The following AFF1 variants were observed in gnomAD, a reference collection of about 807,000 sequenced individuals.
AFF1 encodes AF4/FMR2 family member 1.
In AFF1, 48 loss-of-function variants were observed where a neutral mutation model predicts 121.7. The observed-to-expected ratio is 0.39, with a 90% confidence interval of 0.31 to 0.50. The LOEUF (loss-of-function observed/expected upper bound fraction) is 0.50. AFF1 is among the 20% of genes least tolerant of loss of function. AFF1 has a pLI of 0.76. For synonymous variants in AFF1, 613 were observed against 563.0 expected (o/e 1.09, Z -1.26); for missense variants, 1,523 against 1,511.7 (o/e 1.01, Z -0.12).
chr4:87,019,890 G>GT (rs67832418), intron 2 of AFF1, among the ~76,000 whole-genome samples: 1 of 117,544 alleles, frequency 8.5e-6, no homozygotes, highest in African/African-American at 2.8e-5. Context: ...GGGTCGGGGG[G>GT]GGGCAGTCTT....
At chr4:86,989,997 A>AG (rs1298338781) in intron 2 of AFF1, among the ~76,000 whole-genome samples, 1 of 152,054 alleles carries the variant, frequency 6.6e-6, no homozygotes, top group Non-Finnish European at 1.5e-5. Flanking sequence ...GGACACAGGG[A>AG]GGGGAACATC....
At chr4:87,043,102 T>A (rs932805543) in intron 2 of AFF1, among the ~76,000 whole-genome samples, 1 of 152,150 alleles carries the variant, frequency 6.6e-6, no homozygotes, top group African/African-American at 2.4e-5. Flanking sequence ...CCATTTGGAG[T>A]TCCCTTCTCT....
At chr4:87,134,341 G>A in intron 19 of AFF1, 130 bp from the exon 20 acceptor site, 1 of 842,034 alleles carries the variant, frequency 1.2e-6, no homozygotes, top group Non-Finnish European at 1.8e-6. Flanking sequence ...GACTTTAGCA[G>A]TGGTTATCAT....
At chr4:87,045,406 T>C (rs1362155988) in intron 2 of AFF1, among the ~76,000 whole-genome samples, 3 of 152,078 alleles carry the variant, frequency 2.0e-5, no homozygotes, top group Non-Finnish European at 2.9e-5. Flanking sequence ...TGGTTAAAAC[T>C]GCACTACTTT....
At position 87,114,659 on chromosome 4, in the gene AFF1, C is replaced by T; in HGVS notation, c.1826C>T (p.Thr609Ile). 1.2e-6 allele frequency: 2 copies of T among 1,608,454 alleles called. No individual in the cohort carries two copies. The highest frequency in any genetic ancestry group is 1.7e-5 in the Admixed American group (1 of 58,854). ...QEPPQRQTVG[T>I]KQPKKPVKAS... The stretch of plus-strand genomic sequence containing the variant: ...CCCCCACAAAGGCAAACCGTTGGAA[C>T]CAAACAACCCAAAAAACCTGTCAAG... Residue 609 changes from threonine (T) to isoleucine (I), a missense_variant, in exon 12 of 21, where the codon ACC becomes ATC. Transcript: ENST00000395146.
At chr4:86,997,689 G>T (rs1192613623) in intron 2 of AFF1, among the ~76,000 whole-genome samples, 1 of 151,640 alleles carries the variant, frequency 6.6e-6, no homozygotes, top group East Asian at 1.9e-4. Context: ...GTGAACCTTG[G>T]GGGCAGAGCT....
At chr4:86,960,226 G>A (rs61586576) in intron 2 of AFF1, among the ~76,000 whole-genome samples, 31,687 of 152,078 alleles carry the variant, frequency 0.21, 3,346 homozygotes, top group Middle Eastern at 0.25. Flanking sequence ...GGGAGCTGCC[G>A]CTGTTACCCA....
At chr4:87,119,069 A>G (rs1486831719) in intron 12 of AFF1, among the ~76,000 whole-genome samples, 4 of 152,042 alleles carry the variant, frequency 2.6e-5, no homozygotes, top group Non-Finnish European at 5.9e-5. Context: ...TCTTATATCC[A>G]GTCAGGGTGG....
intron 12 of AFF1, among the ~76,000 whole-genome samples, chr4:87,119,683 C>T (rs2149780330): frequency 6.6e-6 from 1 of 152,314 alleles, no homozygotes; most frequent in Non-Finnish European, 1.5e-5. Flanking sequence ...CTTACAGATT[C>T]CTTTCAAATG....
chr4:87,067,856 GT>G (rs2149669112), intron 4 of AFF1, among the ~76,000 whole-genome samples: 1 of 152,294 alleles, frequency 6.6e-6, no homozygotes, highest in African/African-American at 2.4e-5. Context: ...ACAGAGCATG[GT>G]TCAATGCTCA....
Position 87,127,021 on chromosome 4 carries a change from TGAAGG to T in AFF1, c.2812-3_2813del. 6.2e-7 allele frequency: 1 copy of T among 1,613,178 alleles called. No homozygotes were observed. The highest frequency in any genetic ancestry group is 1.7e-5 in the Admixed American group (1 of 59,918). On this transcript the variant is annotated splice_acceptor_variant and splice_polypyrimidine_tract_variant and coding_sequence_variant and intron_variant, in exon 15 of 21. Transcript: ENST00000395146. LOFTEE classifies it high-confidence loss of function. ...GTAATCTGTATATTGATTTTTTTTTTGAAGGGTTCTTCCGGAGATACTGCAAATCC... is the reference window on the plus strand; with the variant it reads ...GTAATCTGTATATTGATTTTTTTTTTGTTCTTCCGGAGATACTGCAAATCC...
intron 2 of AFF1, among the ~76,000 whole-genome samples, chr4:87,010,920 C>CAA (rs538460927): frequency 6.6e-6 from 1 of 150,668 alleles, no homozygotes; most frequent in Non-Finnish European, 1.5e-5. Context: ...ACTAAAAATA[C>CAA]AAAAAAAAAT....
intron 12 of AFF1, among the ~76,000 whole-genome samples, chr4:87,116,590 G>A (rs945789145): frequency 1.3e-5 from 2 of 152,202 alleles, no homozygotes; most frequent in Non-Finnish European, 2.9e-5. Context: ...TGTCATGTCT[G>A]AGATTTGACT....
intron 2 of AFF1, among the ~76,000 whole-genome samples, chr4:86,961,956 A>G (rs1275112664): frequency 6.6e-6 from 1 of 152,134 alleles, no homozygotes; most frequent in Non-Finnish European, 1.5e-5. Flanking sequence ...GTCCTTTAAG[A>G]ATGGAGGTTT....
At chr4:87,112,874 A>G (rs1483359858) in intron 11 of AFF1, among the ~76,000 whole-genome samples, 1 of 152,246 alleles carries the variant, frequency 6.6e-6, no homozygotes, top group Non-Finnish European at 1.5e-5. Flanking sequence ...GGACATAAGG[A>G]CAGCGATGTA....
chr4:87,003,025 T>G (rs1004243121), intron 2 of AFF1, among the ~76,000 whole-genome samples: 1 of 152,206 alleles, frequency 6.6e-6, no homozygotes, highest in African/African-American at 2.4e-5. Context: ...ATAATGCCCA[T>G]GTTGGTATTG....
intron 15 of AFF1, 38 bp downstream of exon 15, chr4:87,127,155 TTTG>T: frequency 1.3e-6 from 2 of 1,532,646 alleles, no homozygotes; most frequent in Non-Finnish European, 1.8e-6. Context: ...TCTGTTTTGT[TTTG>T]TTTTGCTTCC....
chr4:86,998,358 C>T (rs1031686489), intron 2 of AFF1, among the ~76,000 whole-genome samples: 6 of 152,160 alleles, frequency 3.9e-5, no homozygotes, highest in Non-Finnish European at 7.4e-5. Flanking sequence ...ATGACCCTTA[C>T]CTCCTTCCTG....
At chr4:87,071,225 A>AG (rs1722021887) in intron 4 of AFF1, among the ~76,000 whole-genome samples, 1 of 151,166 alleles carries the variant, frequency 6.6e-6, no homozygotes, top group African/African-American at 2.4e-5. Flanking sequence ...AGGAAAAAAA[A>AG]CTGGTGTATT....
Sources: gnomAD v4.1 joint callset for allele counts (sites outside exome capture counted in the v4.1 genomes callset) on GRCh38, gnomAD v4.1.1 for gene constraint, MANE v1.5 for transcripts, NCBI Gene and HGNC (gene_info 2026-07-23, HGNC 2026-07-21) for gene names.